Variants in DLGAP2 observed in about 807,000 individuals in gnomAD.
DLGAP2 encodes disks large-associated protein 2.
A neutral mutation model predicts 100.3 loss-of-function variants in DLGAP2; 26 were observed. That is an observed-to-expected ratio of 0.26 (90% CI 0.19 to 0.36). The LOEUF is 0.36. DLGAP2 is among the 10% of genes least tolerant of loss of function. The pLI is 1.00. For missense variants in DLGAP2, 1,858 were observed against 1,453.2 expected, an observed-to-expected ratio of 1.28 and a Z score of -4.53; for synonymous variants, 886 against 630.1, an observed-to-expected ratio of 1.41 and a Z score of -6.08.
chr8:1,594,176 A>G (rs545257878), intron 6 of DLGAP2, among the ~76,000 whole-genome samples: 3 of 152,296 alleles, frequency 2.0e-5, no homozygotes, highest in Admixed American at 2.0e-4. Context: ...GGTCATGAAG[A>G]CTGAGAAAGG....
At chr8:1,134,954 G>T (rs1585092822) in intron 2 of DLGAP2, among the ~76,000 whole-genome samples, 2 of 152,038 alleles carry the variant, frequency 1.3e-5, no homozygotes, top group African/African-American at 4.8e-5. Flanking sequence ...ATTTGGGTGG[G>T]GATATCAATA....
At chr8:1,160,793 G>T (rs980316392) in intron 2 of DLGAP2, among the ~76,000 whole-genome samples, 1 of 152,158 alleles carries the variant, frequency 6.6e-6, no homozygotes, top group African/African-American at 2.4e-5. Flanking sequence ...AGGAAGCCTG[G>T]CAGGGATGGT....
intron 2 of DLGAP2, among the ~76,000 whole-genome samples, chr8:1,152,594 T>TC (rs1554492815): frequency 6.6e-6 from 1 of 152,040 alleles, no homozygotes; most frequent in Non-Finnish European, 1.5e-5. Flanking sequence ...AATGATGTCA[T>TC]GGGGGGCCCA....
intron 3 of DLGAP2, among the ~76,000 whole-genome samples, chr8:1,439,383 G>A (rs1419620478): frequency 6.6e-6 from 1 of 152,186 alleles, no homozygotes; most frequent in Non-Finnish European, 1.5e-5. Flanking sequence ...CCACGGTCCT[G>A]CCGTGTACCC....
intron 8 of DLGAP2, among the ~76,000 whole-genome samples, chr8:1,667,266 G>C (rs557082867): frequency 6.6e-6 from 1 of 152,322 alleles, no homozygotes; most frequent in African/African-American, 2.4e-5. Context: ...CCAGGCCAAG[G>C]TGCCTCATGC....
chr8:784,780 A>T (rs1453340894), intron 1 of DLGAP2, among the ~76,000 whole-genome samples: 1 of 152,208 alleles, frequency 6.6e-6, no homozygotes, highest in Non-Finnish European at 1.5e-5. Flanking sequence ...ACACCTTTTG[A>T]AAAAGACCCA....
intron 2 of DLGAP2, among the ~76,000 whole-genome samples, chr8:959,358 C>T (rs1311947967): frequency 6.6e-6 from 1 of 152,176 alleles, no homozygotes; most frequent in Non-Finnish European, 1.5e-5. Context: ...ACGGATGAGC[C>T]AGGCAGGGCT....
intron 3 of DLGAP2, among the ~76,000 whole-genome samples, chr8:1,430,007 C>CAT (rs60682299): frequency 2.9e-4 from 16 of 54,380 alleles, no homozygotes; most frequent in Non-Finnish European, 5.0e-4. Context: ...CATATATATA[C>CAT]ATATATATAT....
At chr8:1,071,230 T>C (rs1803420179) in intron 2 of DLGAP2, among the ~76,000 whole-genome samples, 2 of 152,226 alleles carry the variant, frequency 1.3e-5, no homozygotes, top group Non-Finnish European at 2.9e-5. Flanking sequence ...ACTGTACTTC[T>C]AGAGTAACCC....
At chr8:946,475 G>A (rs1047047432) in intron 2 of DLGAP2, among the ~76,000 whole-genome samples, 2 of 152,056 alleles carry the variant, frequency 1.3e-5, no homozygotes, top group African/African-American at 4.8e-5. Context: ...ATATTAGCCA[G>A]GATGGTCTCG....
At chr8:1,504,932 A>G (rs911111659) in intron 4 of DLGAP2, among the ~76,000 whole-genome samples, 1 of 152,114 alleles carries the variant, frequency 6.6e-6, no homozygotes, top group Non-Finnish European at 1.5e-5. Context: ...ATTCTAATGT[A>G]CCCCTAGGAT....
chr8:1,320,190 C>T (rs1800862797), intron 3 of DLGAP2, among the ~76,000 whole-genome samples: 1 of 151,894 alleles, frequency 6.6e-6, no homozygotes, highest in Non-Finnish European at 1.5e-5. Flanking sequence ...CATGGTGGCA[C>T]TGTTTCCGGA....
chr8:1,616,654 A>G (rs945353503), intron 6 of DLGAP2, among the ~76,000 whole-genome samples: 2 of 152,262 alleles, frequency 1.3e-5, no homozygotes, highest in African/African-American at 4.8e-5. Context: ...ATCTTTTAAA[A>G]AATGAGAGCA....
intron 3 of DLGAP2, among the ~76,000 whole-genome samples, chr8:1,475,315 C>T (rs1035172110): frequency 5.9e-5 from 9 of 151,882 alleles, no homozygotes; most frequent in Non-Finnish European, 1.5e-5. Flanking sequence ...CTAAAATAAA[C>T]GTTAAAAAAG....
intron 3 of DLGAP2, among the ~76,000 whole-genome samples, chr8:1,304,903 C>A (rs1021388535): frequency 3.3e-5 from 5 of 152,188 alleles, no homozygotes; most frequent in African/African-American, 1.2e-4. Flanking sequence ...TTGATATAAT[C>A]ATCTGTCATT....
intron 6 of DLGAP2, among the ~76,000 whole-genome samples, chr8:1,602,664 G>C (rs1459978606): frequency 6.6e-6 from 1 of 152,216 alleles, no homozygotes; most frequent in Non-Finnish European, 1.5e-5. Context: ...AGGCAGCAAG[G>C]AAGCCCCTCC....
intron 2 of DLGAP2, among the ~76,000 whole-genome samples, chr8:1,063,754 G>T (rs1803159967): frequency 6.6e-6 from 1 of 152,088 alleles, no homozygotes; most frequent in Non-Finnish European, 1.5e-5. Flanking sequence ...AGATGTTATT[G>T]GTTTGTGCAT....
At position 1,254,933 on chromosome 8, in the gene DLGAP2, C is replaced by CCTCTCCTGCCCGGGTGCTGTGTCTGTGCT. The variant is rs1563043071; in HGVS notation, c.74-3896_74-3895insCTGTGCTCTCTCCTGCCCGGGTGCTGTGT. On this transcript the variant is annotated intron_variant, in intron 2 of 14. Coordinates refer to ENST00000637795, the MANE Select transcript of DLGAP2 (RefSeq NM_001346810.2). ...TCCTGCCCAGGTGCTGTGTGTGTGCCCTCTCCTGCCCGGGTGCTGTGTGTG... is the reference window on the plus strand; with the variant it reads ...TCCTGCCCAGGTGCTGTGTGTGTGCCCTCTCCTGCCCGGGTGCTGTGTCTGTGCTCTCTCCTGCCCGGGTGCTGTGTGTG... Among the ~76,000 whole-genome samples, 39 of 134,056 alleles carry CCTCTCCTGCCCGGGTGCTGTGTCTGTGCT rather than the reference C, an allele frequency of 2.9e-4. 2 individuals are homozygous for CCTCTCCTGCCCGGGTGCTGTGTCTGTGCT. Among genetic ancestry groups the CCTCTCCTGCCCGGGTGCTGTGTCTGTGCT allele is most frequent in the African/African-American group, 1.1e-3 (39 of 35,670 alleles). The allele number at this position is 134,056 out of a possible 152,430, so 87.9% of individuals were successfully genotyped here. A position where few individuals can be genotyped will look rare whatever the true frequency, so the allele number is the denominator to read the frequency against.
At chr8:925,339 C>G (rs143195238) in intron 2 of DLGAP2, among the ~76,000 whole-genome samples, 1 of 152,012 alleles carries the variant, frequency 6.6e-6, no homozygotes, top group South Asian at 2.1e-4. Context: ...CGAGGCTGGT[C>G]TTGAATTCTA....
Sources: allele counts gnomAD v4.1 joint callset (sites outside exome capture counted in the v4.1 genomes callset), GRCh38; gene constraint gnomAD v4.1.1; transcripts MANE v1.5; gene names NCBI Gene and HGNC (gene_info 2026-07-23, HGNC 2026-07-21).